The following TTC21B variants were observed in gnomAD, a reference collection of about 807,000 sequenced individuals.
TTC21B encodes tetratricopeptide repeat protein 21B.
A neutral mutation model predicts 175.1 loss-of-function variants in TTC21B; 127 were observed. The ratio of observed to expected loss-of-function variants is 0.73; its 90% CI spans 0.63 to 0.84. TTC21B has a LOEUF of 0.84. Ranked by LOEUF, TTC21B falls within the 40% of genes least tolerant of loss-of-function variation. The pLI is 0.00. For synonymous variants in TTC21B, 524 were observed against 524.5 expected (o/e 1.00, Z 0.01); for missense variants, 1,561 against 1,558.3 (o/e 1.00, Z -0.03).
chr2:165,882,533 C>T (rs535385553), intron 26 of TTC21B, among the ~76,000 whole-genome samples: 1 of 152,212 alleles, frequency 6.6e-6, no homozygotes, highest in Non-Finnish European at 1.5e-5. Context: ...CTAGATCTTT[C>T]ACACAAACTC....
intron 6 of TTC21B, among the ~76,000 whole-genome samples, chr2:165,937,024 T>A (rs1687175471): frequency 6.6e-6 from 1 of 152,058 alleles, no homozygotes; most frequent in African/African-American, 2.4e-5. Context: ...TATTCATAAA[T>A]GCCACAATTT....
At chr2:165,942,485 T>C (rs1687404675) in intron 5 of TTC21B, among the ~76,000 whole-genome samples, 1 of 152,116 alleles carries the variant, frequency 6.6e-6, no homozygotes, top group Admixed American at 6.6e-5. Flanking sequence ...GTCTCTCTAA[T>C]AGAAGGTAGA....
intron 1 of TTC21B, among the ~76,000 whole-genome samples, chr2:165,950,294 G>A (rs147309636): frequency 5.3e-5 from 8 of 152,232 alleles, no homozygotes; most frequent in Admixed American, 4.6e-4. Flanking sequence ...AATGAAAATC[G>A]TTGTCTTTAA....
At chr2:165,940,899 T>A in intron 6 of TTC21B, 128 bp downstream of exon 6, 1 of 920,626 alleles carries the variant, frequency 1.1e-6, no homozygotes. Flanking sequence ...TTTAAGTATT[T>A]CCTCGGTTCC....
intron 6 of TTC21B, 33 bp from the exon 7 acceptor site, chr2:165,933,090 AAATT>A: frequency 6.3e-7 from 1 of 1,587,360 alleles, no homozygotes; most frequent in Non-Finnish European, 8.6e-7. Context: ...ATGTCAAAAT[AAATT>A]TATATATTTT....
At chr2:165,930,389 A>G in intron 8 of TTC21B, 25 bp from the exon 9 acceptor site, 1 of 1,540,946 alleles carries the variant, frequency 6.5e-7, no homozygotes, top group Non-Finnish European at 8.9e-7. Flanking sequence ...AAATGATGTA[A>G]GATTTCAAAG....
intron 3 of TTC21B, 136 bp downstream of exon 3, chr2:165,949,258 A>C: frequency 1.4e-6 from 1 of 709,528 alleles, no homozygotes; most frequent in Non-Finnish European, 2.5e-6. Context: ...TGTCAGGAAG[A>C]TAAACATATG....
At position 165,953,754 on chromosome 2, in the gene TTC21B, G is replaced by C. The variant is rs1331066854; in HGVS notation, c.-49C>G. The stretch of plus-strand genomic sequence containing the variant: ...GGGCTCTGGGGATTGTCTCGCCGCA[G>C]CCTAAAGGAAGACGCAGAATTCAGC... On this transcript the variant is annotated 5_prime_UTR_variant, in exon 1 of 29. Transcript: ENST00000243344. The C allele has an allele frequency of 6.5e-7, 1 of 1,546,364 alleles. No individual in the cohort carries two copies. The highest frequency in any genetic ancestry group is 8.7e-7 in the Non-Finnish European group (1 of 1,145,186).
chr2:165,883,720 ACACT>A, intron 26 of TTC21B, 70 bp downstream of exon 26: 2 of 1,171,616 alleles, frequency 1.7e-6, no homozygotes, highest in Non-Finnish European at 2.6e-6. Flanking sequence ...AAATGGACTA[ACACT>A]CAACAATATC....
intron 1 of TTC21B, among the ~76,000 whole-genome samples, chr2:165,950,473 C>G (rs1687726038): frequency 6.6e-6 from 1 of 152,212 alleles, no homozygotes; most frequent in Admixed American, 6.5e-5. Flanking sequence ...CCCACCATCA[C>G]TAGGATACAC....
intron 7 of TTC21B, among the ~76,000 whole-genome samples, 192 bp from the exon 8 acceptor site, chr2:165,932,048 TA>T (rs1453399666): frequency 2.6e-5 from 4 of 152,174 alleles, no homozygotes; most frequent in African/African-American, 9.6e-5. Flanking sequence ...TCAATAATTA[TA>T]AATGTGTTTT....
At chr2:165,947,891 C>T (rs551125594) in intron 3 of TTC21B, 74 of 152,286 alleles carry the variant, frequency 4.9e-4, no homozygotes, top group African/African-American at 1.6e-3. Context: ...ATTTCAGTGT[C>T]CTGCAAATCA....
intron 18 of TTC21B, 98 bp from the exon 19 acceptor site, chr2:165,907,882 T>G (rs1213970501): frequency 1.2e-6 from 1 of 838,460 alleles, no homozygotes; most frequent in Non-Finnish European, 1.9e-6. Context: ...AAAAAATGAT[T>G]TTGAAAAATA....
At chr2:165,885,296 A>C (rs1041639265) in intron 25 of TTC21B, among the ~76,000 whole-genome samples, 8 of 152,212 alleles carry the variant, frequency 5.3e-5, no homozygotes, top group African/African-American at 1.9e-4. Context: ...TCAATGTCCA[A>C]CTGATCTTTG....
At chr2:165,942,668 T>C (rs957737402) in intron 5 of TTC21B, among the ~76,000 whole-genome samples, 3 of 152,172 alleles carry the variant, frequency 2.0e-5, no homozygotes, top group African/African-American at 7.2e-5. Context: ...TTTGAAATAC[T>C]TTCCCCAGAT....
At chr2:165,932,322 A>G (rs1450484654) in intron 7 of TTC21B, among the ~76,000 whole-genome samples, 4 of 152,168 alleles carry the variant, frequency 2.6e-5, no homozygotes, top group Admixed American at 6.5e-5. Flanking sequence ...TGCCTGGAAA[A>G]TTTACTGAAG....
chr2:165,911,111 T>G (rs1016214960), intron 18 of TTC21B, among the ~76,000 whole-genome samples: 1 of 152,182 alleles, frequency 6.6e-6, no homozygotes, highest in Admixed American at 6.5e-5. Context: ...GTAAGCTATA[T>G]TTCTATAACA....
At chr2:165,911,195 GA>G in intron 18 of TTC21B, 131 bp downstream of exon 18, 1 of 1,125,324 alleles carries the variant, frequency 8.9e-7, no homozygotes, top group Non-Finnish European at 1.3e-6. Context: ...TCTGATAAAA[GA>G]AAAAATACGC....
chr2:165,875,185 T>C (rs1353869817), intron 28 of TTC21B, among the ~76,000 whole-genome samples: 1 of 152,202 alleles, frequency 6.6e-6, no homozygotes, highest in East Asian at 1.9e-4. Flanking sequence ...GTGACTTTTA[T>C]ACAGCAGCAC....
Sources: gnomAD v4.1 joint callset for allele counts (sites outside exome capture counted in the v4.1 genomes callset) on GRCh38, gnomAD v4.1.1 for gene constraint, MANE v1.5 for transcripts, NCBI Gene and HGNC (gene_info 2026-07-23, HGNC 2026-07-21) for gene names.